Variants in GNS observed in about 807,000 individuals in gnomAD.
GNS encodes glucosamine (N-acetyl)-6-sulfatase.
Under a neutral mutation model 69.7 loss-of-function variants are expected in GNS, and 40 were observed. The ratio of observed to expected loss-of-function variants is 0.57; its 90% confidence interval spans 0.45 to 0.75. The LOEUF is 0.75. GNS is among the 30% of genes least tolerant of loss of function. The pLI, the probability that GNS is intolerant of heterozygous loss-of-function variation, is 0.00. For synonymous variants in GNS, 243 were observed against 251.6 expected, an observed-to-expected ratio of 0.97 and a Z score of 0.32; for missense variants, 565 against 685.5, an observed-to-expected ratio of 0.82 and a Z score of 1.96.
chr12:64,748,237 T>G (rs2136250125), intron 2 of GNS, among the ~76,000 whole-genome samples: 1 of 152,124 alleles, frequency 6.6e-6, no homozygotes, highest in African/African-American at 2.4e-5. Flanking sequence ...GCTCTCACTC[T>G]GTCACCCAGA....
Position 64,746,881 on chromosome 12 carries a change from A to C in GNS, c.459+831T>G, listed in dbSNP as rs567666874. Among the ~76,000 whole-genome samples the C allele has an allele frequency of 1.5e-4, 23 of 152,296 alleles. No homozygotes were observed. In the East Asian group the frequency reaches 2.5e-3, roughly 17 times the overall value. On this transcript the variant is annotated intron_variant, in intron 3 of 13. Transcript: ENST00000258145. ...ACTCACAAGGTTGCAGATTTCCCCAATTATTGGGGGGAGGGGAGAATTAAC... is the reference window on the plus strand; with the variant it reads ...ACTCACAAGGTTGCAGATTTCCCCACTTATTGGGGGGAGGGGAGAATTAAC...
intron 9 of GNS, among the ~76,000 whole-genome samples, chr12:64,732,740 C>A (rs749561693): frequency 1.3e-5 from 2 of 151,136 alleles, no homozygotes; most frequent in Non-Finnish European, 3.0e-5. Context: ...GCATTACAGG[C>A]GTGAGCCACC....
chr12:64,726,076 G>A (rs1300467340), intron 10 of GNS, among the ~76,000 whole-genome samples: 2 of 148,624 alleles, frequency 1.3e-5, no homozygotes, highest in African/African-American at 2.5e-5. Context: ...GTTAAAAGAC[G>A]TAAAATTTCC....
chr12:64,756,637 A>T (rs896170253), intron 1 of GNS: 4 of 786,854 alleles, frequency 5.1e-6, no homozygotes, highest in Non-Finnish European at 6.5e-6. Flanking sequence ...TCCTGTGATG[A>T]CTGAAGCACA....
At chr12:64,727,076 C>T (rs944125475) in intron 10 of GNS, among the ~76,000 whole-genome samples, 4 of 152,014 alleles carry the variant, frequency 2.6e-5, no homozygotes, top group Non-Finnish European at 5.9e-5. Context: ...CTACTTCACA[C>T]CTACTACAAT....
In GNS at chr12:64,747,885, C is replaced by A; in HGVS notation, c.286G>T (p.Ala96Ser). Residue 96 changes from alanine (A) to serine (S), a missense_variant, in exon 3 of 14, where the codon GCC becomes TCC. By Grantham distance (99) the Ala-to-Ser change is moderately conservative. Coordinates refer to ENST00000258145, the MANE Select transcript of GNS (RefSeq NM_002076.4). ...VPSALCCPSR[A>S]SILTGKYPHN... is the part of the protein sequence containing the mutation. ...GGGTACTTTCCTGTCAGGATACTGGCTCTGCTGGGGCAGCAGAGAGCACTT... is the reference window on the plus strand; with the variant it reads ...GGGTACTTTCCTGTCAGGATACTGGATCTGCTGGGGCAGCAGAGAGCACTT... The A allele has an allele frequency of 6.2e-7, 1 of 1,610,908 alleles. No homozygotes were observed. The highest frequency in any genetic ancestry group is 2.2e-5 in the East Asian group (1 of 44,854).
At position 64,721,565 on chromosome 12, in the gene GNS, G is replaced by A. The variant is rs199958949; in HGVS notation, c.1419+30C>T. ...AACAAAGCACCAGCAAGAAAGGAGCGGGGGAAGTGCAGGCAGAAGTCCCTC... is the reference window on the plus strand; with the variant it reads ...AACAAAGCACCAGCAAGAAAGGAGCAGGGGAAGTGCAGGCAGAAGTCCCTC... On this transcript the variant is annotated intron_variant, in intron 12 of 13. Transcript: ENST00000258145. The A allele has an allele frequency of 6.9e-5, 68 of 982,954 alleles. No individual in the cohort carries two copies. The African/African-American group carries it at 7.1e-4, about 10-fold the overall frequency. 60.9% of individuals were successfully genotyped at this position (982,954 alleles called of 1,614,324 possible).
chr12:64,722,540 C>T (rs1592492446), intron 11 of GNS, among the ~76,000 whole-genome samples: 1 of 152,288 alleles, frequency 6.6e-6, no homozygotes, highest in East Asian at 1.9e-4. Context: ...CAATCAACTC[C>T]AAGTGGAAGC....
intron 2 of GNS, among the ~76,000 whole-genome samples, chr12:64,749,830 A>T (rs1870020127): frequency 6.7e-6 from 1 of 150,356 alleles, no homozygotes; most frequent in Non-Finnish European, 1.5e-5. Context: ...TATGGCCAGT[A>T]CACAGTTTAT....
intron 5 of GNS, among the ~76,000 whole-genome samples, chr12:64,744,090 T>C (rs756948738): frequency 6.6e-6 from 1 of 152,208 alleles, no homozygotes; most frequent in Non-Finnish European, 1.5e-5. Context: ...CTCTTCCCCC[T>C]GATCTGCACA....
In GNS at chr12:64,714,595, C is replaced by T. The variant is rs900823217; in HGVS notation, c.*2146G>A. 3 of 152,178 alleles carry T rather than the reference C, an allele frequency of 2.0e-5. No individual in the cohort carries two copies. Among genetic ancestry groups the T allele is most frequent in the South Asian group, 2.1e-4 (1 of 4,836 alleles). The allele number at this position is 152,178 out of a possible 1,614,324, so 9.4% of individuals were successfully genotyped here. On this transcript the variant is annotated 3_prime_UTR_variant, in exon 14 of 14. Coordinates refer to ENST00000258145, the MANE Select transcript of GNS (RefSeq NM_002076.4). ...GAGAGGGCTGCACCACATCCTACCA[C>T]GCAAGCACACCCACTGAACTGAGTA...
At chr12:64,735,785 A>C (rs1342196274) in intron 9 of GNS, among the ~76,000 whole-genome samples, 1 of 152,242 alleles carries the variant, frequency 6.6e-6, no homozygotes, top group African/African-American at 2.4e-5. Flanking sequence ...TGAAAGAGGA[A>C]GCCTGTTTAG....
chr12:64,719,189 CATTT>C (rs1207081905), intron 13 of GNS, among the ~76,000 whole-genome samples: 1 of 152,164 alleles, frequency 6.6e-6, no homozygotes, highest in Non-Finnish European at 1.5e-5. Flanking sequence ...CATTCACATT[CATTT>C]GTCTCTAATT....
intron 2 of GNS, among the ~76,000 whole-genome samples, chr12:64,748,907 T>A (rs1426602473): frequency 6.6e-6 from 1 of 152,174 alleles, no homozygotes; most frequent in Non-Finnish European, 1.5e-5. Context: ...ATTAGCAAGT[T>A]TTTTTGCCTT....
intron 10 of GNS, among the ~76,000 whole-genome samples, chr12:64,726,752 T>C (rs1223200641): frequency 6.6e-6 from 1 of 152,028 alleles, no homozygotes; most frequent in Non-Finnish European, 1.5e-5. Context: ...TGCCTTAGCC[T>C]CCCAAATTGC....
At chr12:64,717,356 G>A (rs1005813768) in intron 13 of GNS, among the ~76,000 whole-genome samples, 1 of 152,032 alleles carries the variant, frequency 6.6e-6, no homozygotes, top group Non-Finnish European at 1.5e-5. Context: ...CATTTTTGGT[G>A]GGGGCGCTGG....
At chr12:64,757,994 C>G (rs941477629) in intron 1 of GNS, among the ~76,000 whole-genome samples, 1 of 152,104 alleles carries the variant, frequency 6.6e-6, no homozygotes, top group Non-Finnish European at 1.5e-5. Context: ...AATGCTGAAC[C>G]CAGGGTCAGA....
chr12:64,749,537 C>T (rs931179316), intron 2 of GNS, among the ~76,000 whole-genome samples: 2 of 152,238 alleles, frequency 1.3e-5, no homozygotes, highest in African/African-American at 4.8e-5. Flanking sequence ...TAGGCGTGAG[C>T]CACCGTGTCT....
At chr12:64,719,891 A>G in intron 13 of GNS, 131 bp downstream of exon 13, 5 of 735,584 alleles carry the variant, frequency 6.8e-6, no homozygotes, top group Non-Finnish European at 1.2e-5. Context: ...GGCTGATGCA[A>G]TTAGAACACA....
Sources: allele counts gnomAD v4.1 joint callset (sites outside exome capture counted in the v4.1 genomes callset), GRCh38; gene constraint gnomAD v4.1.1; transcripts MANE v1.5; gene names NCBI Gene and HGNC (gene_info 2026-07-23, HGNC 2026-07-21).